The following KCNMB2 variants were observed in gnomAD, a reference collection of about 807,000 sequenced individuals.
KCNMB2 encodes the protein calcium-activated potassium channel subunit beta-2.
Under a neutral mutation model 24.5 loss-of-function variants are expected in KCNMB2, and 9 were observed. The observed-to-expected ratio is 0.37, with a 90% confidence interval of 0.22 to 0.64. KCNMB2 has a LOEUF of 0.64. KCNMB2 is among the 30% of genes least tolerant of loss of function. KCNMB2 has a pLI of 0.63. For synonymous variants in KCNMB2, 109 were observed against 104.4 expected (o/e 1.04, Z -0.27); for missense variants, 226 against 284.3 (o/e 0.79, Z 1.47).
intron 1 of KCNMB2, among the ~76,000 whole-genome samples, chr3:178,714,175 T>A (rs1252101387): frequency 6.6e-6 from 1 of 152,152 alleles, no homozygotes; most frequent in Non-Finnish European, 1.5e-5. Flanking sequence ...CCAGACACAC[T>A]CTTTCTTCTT....
intron 1 of KCNMB2, among the ~76,000 whole-genome samples, chr3:178,722,249 C>T (rs1362987254): frequency 1.3e-5 from 2 of 152,148 alleles, no homozygotes; most frequent in Admixed American, 1.3e-4. Context: ...TTTTTACACA[C>T]ATATATACAT....
intron 1 of KCNMB2, among the ~76,000 whole-genome samples, chr3:178,771,358 T>C (rs905352027): frequency 2.6e-5 from 4 of 151,866 alleles, no homozygotes; most frequent in Non-Finnish European, 5.9e-5. Flanking sequence ...CATTAGATGC[T>C]CAAAGCCCTG....
At chr3:178,833,368 C>G (rs1343564122) in intron 4 of KCNMB2, among the ~76,000 whole-genome samples, 1 of 152,154 alleles carries the variant, frequency 6.6e-6, no homozygotes, top group Admixed American at 6.5e-5. Flanking sequence ...AAAAAGGCAC[C>G]AAACATTTGG....
chr3:178,699,068 T>C (rs1373788638), intron 1 of KCNMB2, among the ~76,000 whole-genome samples: 2 of 152,150 alleles, frequency 1.3e-5, no homozygotes, highest in African/African-American at 4.8e-5. Flanking sequence ...TCCACCACAG[T>C]GGTGGGGGCA....
chr3:178,547,927 T>C (rs1577002487), intron 1 of KCNMB2, among the ~76,000 whole-genome samples: 1 of 152,258 alleles, frequency 6.6e-6, no homozygotes, highest in Admixed American at 6.5e-5. Context: ...CATGTTTCTG[T>C]TCATTGTACC....
At chr3:178,786,169 T>C (rs1713091211) in intron 1 of KCNMB2, among the ~76,000 whole-genome samples, 1 of 152,154 alleles carries the variant, frequency 6.6e-6, no homozygotes, top group African/African-American at 2.4e-5. Context: ...GAGTTCAGTA[T>C]GCTGGTTTCC....
intron 1 of KCNMB2, among the ~76,000 whole-genome samples, chr3:178,664,624 CT>C (rs1364255830): frequency 6.6e-6 from 1 of 151,938 alleles, no homozygotes; most frequent in East Asian, 1.9e-4. Flanking sequence ...ATCCCTGTAT[CT>C]GAAAGATTCA....
At chr3:178,803,852 G>A (rs1042868234) in intron 1 of KCNMB2, among the ~76,000 whole-genome samples, 36 of 152,172 alleles carry the variant, frequency 2.4e-4, no homozygotes, top group Non-Finnish European at 1.5e-5. Flanking sequence ...AGCAAGGTGT[G>A]TGCTTGAGAA....
chr3:178,784,210 C>T (rs1713000506), intron 1 of KCNMB2, among the ~76,000 whole-genome samples: 2 of 152,154 alleles, frequency 1.3e-5, no homozygotes, highest in African/African-American at 4.8e-5. Flanking sequence ...TATCATGTTC[C>T]AGACATTTAA....
chr3:178,627,836 T>G (rs1261619824), intron 1 of KCNMB2, among the ~76,000 whole-genome samples: 1 of 152,182 alleles, frequency 6.6e-6, no homozygotes, highest in Non-Finnish European at 1.5e-5. Context: ...AATCAAATAT[T>G]CTGTTCTTGT....
At chr3:178,760,479 T>C (rs1206403848) in intron 1 of KCNMB2, among the ~76,000 whole-genome samples, 1 of 138,416 alleles carries the variant, frequency 7.2e-6, no homozygotes, top group Non-Finnish European at 1.5e-5. Flanking sequence ...ATATATATAT[T>C]ATATATATAA....
intron 1 of KCNMB2, among the ~76,000 whole-genome samples, chr3:178,575,041 C>T (rs997397126): frequency 2.0e-5 from 3 of 152,120 alleles, no homozygotes; most frequent in Admixed American, 2.0e-4. Context: ...GCACTCAAGC[C>T]TGGGCAACAG....
intron 1 of KCNMB2, among the ~76,000 whole-genome samples, chr3:178,549,963 C>T (rs891831424): frequency 2.6e-5 from 4 of 151,988 alleles, no homozygotes; most frequent in Non-Finnish European, 5.9e-5. Flanking sequence ...TATCCCCTTG[C>T]ATTATTTATG....
intron 1 of KCNMB2, among the ~76,000 whole-genome samples, chr3:178,689,428 G>A (rs1213093589): frequency 1.3e-5 from 2 of 152,114 alleles, no homozygotes; most frequent in African/African-American, 2.4e-5. Context: ...GAAGTCAGGA[G>A]ATCGAGACCA....
intron 1 of KCNMB2, among the ~76,000 whole-genome samples, chr3:178,788,127 G>A (rs1470217592): frequency 6.6e-6 from 1 of 152,110 alleles, no homozygotes; most frequent in Non-Finnish European, 1.5e-5. Flanking sequence ...CACCATGGAG[G>A]AAAGGGTGGT....
intron 1 of KCNMB2, among the ~76,000 whole-genome samples, chr3:178,631,912 T>C (rs1719336102): frequency 1.3e-5 from 2 of 152,254 alleles, no homozygotes; most frequent in Non-Finnish European, 2.9e-5. Context: ...TAGCCACAGC[T>C]TCACATCATG....
chr3:178,656,410 A>C (rs1215635561), intron 1 of KCNMB2, among the ~76,000 whole-genome samples: 1 of 152,214 alleles, frequency 6.6e-6, no homozygotes, highest in African/African-American at 2.4e-5. Context: ...ATATTATAGC[A>C]TATGTCAGAA....
At chr3:178,800,936 T>C (rs1409720034) in intron 1 of KCNMB2, among the ~76,000 whole-genome samples, 1 of 152,102 alleles carries the variant, frequency 6.6e-6, no homozygotes, top group African/African-American at 2.4e-5. Flanking sequence ...AAAGACAAAG[T>C]TCACATGGTC....
intron 1 of KCNMB2, among the ~76,000 whole-genome samples, chr3:178,587,769 G>A (rs1173148288): frequency 1.3e-5 from 2 of 151,038 alleles, no homozygotes; most frequent in African/African-American, 4.9e-5. Flanking sequence ...TTAAGTTTTA[G>A]GGCACATGTG....
Sources: allele counts gnomAD v4.1 joint callset (sites outside exome capture counted in the v4.1 genomes callset), GRCh38; gene constraint gnomAD v4.1.1; transcripts MANE v1.5; gene names NCBI Gene and HGNC (gene_info 2026-07-23, HGNC 2026-07-21).